Variants in USP8 observed in about 807,000 individuals in gnomAD.
The protein encoded by USP8 is ubiquitin specific peptidase 8, also known as ubiquitin carboxyl-terminal hydrolase 8.
Under a neutral mutation model 130.0 loss-of-function variants are expected in USP8, and 27 were observed. The ratio of observed to expected loss-of-function variants is 0.21; its 90% CI spans 0.15 to 0.29. USP8 has a LOEUF of 0.29. Among genes scored for constraint, USP8 ranks in the 10% least tolerant of loss-of-function variants. The probability of loss-of-function intolerance (pLI) is 1.00; values close to 1 mark genes in which losing one functional copy is unlikely to be tolerated. For missense variants in USP8, 1,029 were observed against 1,312.2 expected, an observed-to-expected ratio of 0.78 and a Z score of 3.33; for synonymous variants, 392 against 444.1, an observed-to-expected ratio of 0.88 and a Z score of 1.48.
At chr15:50,441,310 G>C (rs372328315) in intron 2 of USP8, 39 bp from the exon 3 acceptor site, 12 of 1,542,058 alleles carry the variant, frequency 7.8e-6, no homozygotes, top group Non-Finnish European at 7.8e-6. Context: ...TTTCCCAGAT[G>C]TCAATTGCTT....
At chr15:50,474,126 T>C (rs567277882) in intron 8 of USP8, among the ~76,000 whole-genome samples, 27 of 152,146 alleles carry the variant, frequency 1.8e-4, no homozygotes, top group Non-Finnish European at 3.4e-4. Flanking sequence ...CAACTCAGCC[T>C]CCTGAGTAGC....
chr15:50,459,098 A>G lies in USP8; in HGVS notation c.434A>G (p.Asp145Gly). The change falls in exon 5 of 20, where the codon GAT becomes GGT. Residue 145 changes from aspartate (D) to glycine (G), a missense_variant. Coordinates refer to ENST00000307179, the MANE Select transcript of USP8 (RefSeq NM_005154.5). ...QQKRQETGRE[D>G]GGTLAKGSLE... ...AAAAGGCAGGAAACAGGAAGAGAGG[A>G]TGGTGGCACATTGGCTAAAGGCTCT... is the stretch of plus-strand genomic sequence containing the variant. 6.2e-7 allele frequency: 1 copy of G among 1,614,132 alleles called. No individual in the cohort carries two copies.
intron 3 of USP8, among the ~76,000 whole-genome samples, chr15:50,447,655 C>T (rs764880269): frequency 4.6e-5 from 7 of 151,662 alleles, no homozygotes; most frequent in South Asian, 2.1e-4. Context: ...CTCTGCCTCC[C>T]GGGTTCAGGT....
chr15:50,430,510 G>A (rs888614765), intron 1 of USP8, among the ~76,000 whole-genome samples: 6 of 152,058 alleles, frequency 3.9e-5, no homozygotes, highest in Non-Finnish European at 5.9e-5. Context: ...CTCAAGGAAG[G>A]CCTCAGCCTT....
At chr15:50,434,894 A>G (rs2414044) in intron 1 of USP8, among the ~76,000 whole-genome samples, 21,960 of 152,266 alleles carry the variant, frequency 0.14, 2,036 homozygotes, top group Middle Eastern at 0.28. Flanking sequence ...TGCTAGGATT[A>G]CAGGTGTGAG....
At chr15:50,470,217 A>T (rs2051330659) in intron 7 of USP8, among the ~76,000 whole-genome samples, 1 of 152,150 alleles carries the variant, frequency 6.6e-6, no homozygotes, top group Non-Finnish European at 1.5e-5. Context: ...ACAAACAAAA[A>T]ATTGTCTTTG....
intron 4 of USP8, among the ~76,000 whole-genome samples, chr15:50,454,342 C>T (rs965003225): frequency 2.0e-5 from 3 of 152,114 alleles, no homozygotes; most frequent in Admixed American, 6.6e-5. Context: ...GCTCTACATA[C>T]GATAGACTTT....
intron 7 of USP8, among the ~76,000 whole-genome samples, chr15:50,468,991 T>C (rs2051289221): frequency 6.6e-6 from 1 of 152,058 alleles, no homozygotes; most frequent in Admixed American, 6.6e-5. Flanking sequence ...TCTGACAGAA[T>C]ATATTCTTTT....
rs1269183220 is a variant in USP8 at position 50,471,711 on chromosome 15, T to C, written c.765T>C (p.Tyr255=). Reference sequence around the variant, plus strand: ...GGAAGAAGAGGGGGAATGTGGAGTATGTGGTACTTCTTGACTGGTTTAGTT... The same window carrying C: ...GGAAGAAGAGGGGGAATGTGGAGTACGTGGTACTTCTTGACTGGTTTAGTT... ...DTWKKRGNVE[Y]VVLLDWFSSA... The change falls in exon 8 of 20, where the codon TAT becomes TAC. Residue 255 remains tyrosine, a synonymous_variant. Coordinates refer to ENST00000307179, the MANE Select transcript of USP8 (RefSeq NM_005154.5). The C allele has an allele frequency of 1.2e-6, 2 of 1,614,156 alleles. No individual in the cohort carries two copies. Among genetic ancestry groups the C allele is most frequent in the East Asian group, 2.2e-5 (1 of 44,868 alleles).
intron 4 of USP8, among the ~76,000 whole-genome samples, chr15:50,457,805 G>A (rs2050840563): frequency 1.4e-5 from 2 of 141,918 alleles, no homozygotes; most frequent in African/African-American, 5.3e-5. Context: ...AGGTTGCAGT[G>A]AACCGAGATC....
rs1303727118 is a variant in USP8 at position 50,508,833 on chromosome 15, A to AT, written c.*9746dup. On this transcript the variant is annotated 3_prime_UTR_variant, in exon 20 of 20. Coordinates refer to ENST00000307179, the MANE Select transcript of USP8 (RefSeq NM_005154.5). Reference sequence around the variant, plus strand: ...GGCAACATGGCAAAACCCCGTCTCTATAAAAAAAAAAAGAGTACAGGCCAG... The same window carrying AT: ...GGCAACATGGCAAAACCCCGTCTCTATTAAAAAAAAAAAGAGTACAGGCCAG... The AT allele has an allele frequency of 1.5e-5, 2 of 134,134 alleles. No homozygotes were observed. The highest frequency in any genetic ancestry group is 3.2e-5 in the Non-Finnish European group (2 of 62,024). 8.3% of individuals were successfully genotyped at this position (134,134 alleles called of 1,614,324 possible). A position where few individuals can be genotyped will look rare whatever the true frequency, so the allele number is the denominator to read the frequency against.
chr15:50,437,755 C>T (rs947484637), intron 1 of USP8, among the ~76,000 whole-genome samples: 1 of 152,222 alleles, frequency 6.6e-6, no homozygotes, highest in South Asian at 2.1e-4. Flanking sequence ...TTAGATACCT[C>T]GCTAGAAGGA....
rs977336149 is a variant in USP8, at chr15:50,500,133, T to G, written c.*1045T>G. On this transcript the variant is annotated 3_prime_UTR_variant, in exon 20 of 20. Transcript: ENST00000307179. The stretch of plus-strand genomic sequence containing the variant: ...AAGTGCTTCAGAAAGAGACCACCAT[T>G]AGCAGGCTCTCAGGGAGAAGATGAA... 6.6e-6 allele frequency: 1 copy of G among 152,202 alleles called. No individual in the cohort carries two copies. Among genetic ancestry groups the G allele is most frequent in the African/African-American group, 2.4e-5 (1 of 41,440 alleles). 9.4% of individuals were successfully genotyped at this position (152,202 alleles called of 1,614,324 possible).
Position 50,511,155 on chromosome 15 carries a change from G to A in USP8, c.*12067G>A, listed in dbSNP as rs2052734711. On this transcript the variant is annotated 3_prime_UTR_variant, in exon 20 of 20. Coordinates refer to ENST00000307179, the MANE Select transcript of USP8 (RefSeq NM_005154.5). ...AAAGTTTTATTTTAAAAACTGGAGAGAGAGCACTTGAAAAGATGCTCAACA... is the reference window on the plus strand; with the variant it reads ...AAAGTTTTATTTTAAAAACTGGAGAAAGAGCACTTGAAAAGATGCTCAACA... 1 of 152,194 alleles carries A rather than the reference G, an allele frequency of 6.6e-6. No individual in the cohort carries two copies. Among genetic ancestry groups the A allele is most frequent in the Non-Finnish European group, 1.5e-5 (1 of 68,048 alleles). 9.4% of individuals were successfully genotyped at this position (152,194 alleles called of 1,614,324 possible).
At chr15:50,430,765 C>A (rs1398512253) in intron 1 of USP8, among the ~76,000 whole-genome samples, 2 of 152,138 alleles carry the variant, frequency 1.3e-5, no homozygotes, top group Non-Finnish European at 2.9e-5. Flanking sequence ...TAACTGATTT[C>A]TAGTTAATAT....
intron 1 of USP8, among the ~76,000 whole-genome samples, chr15:50,426,201 C>T (rs1287723710): frequency 1.3e-5 from 2 of 151,962 alleles, no homozygotes; most frequent in Non-Finnish European, 2.9e-5. Flanking sequence ...GAAAATAAAG[C>T]CAGTACATTA....
Position 50,500,673 on chromosome 15 carries a change from T to G in USP8, c.*1585T>G, listed in dbSNP as rs529383809. ...CTGGCTCTTAACGCTTTTGTATTGG[T>G]ATGGAAAAGGGCTGGCAGCTATAGA... On this transcript the variant is annotated 3_prime_UTR_variant, in exon 20 of 20. Transcript: ENST00000307179. 1.4e-4 allele frequency: 163 copies of G among 1,201,686 alleles called. No homozygotes were observed. The highest frequency in any genetic ancestry group is 1.9e-4 in the Non-Finnish European group (156 of 833,722). 74.4% of individuals were successfully genotyped at this position (1,201,686 alleles called of 1,614,324 possible).
chr15:50,492,929 A>G lies in USP8; in HGVS notation c.2447+16A>G. On this transcript the variant is annotated intron_variant, in intron 15 of 19. Transcript: ENST00000307179. Reference sequence around the variant, plus strand: ...ATATTAACAGGTAAATACATGTCATACTTTTTGCATTATAATGCTAAAAGG... The same window carrying G: ...ATATTAACAGGTAAATACATGTCATGCTTTTTGCATTATAATGCTAAAAGG... 1 of 1,601,708 alleles carries G rather than the reference A, an allele frequency of 6.2e-7. No individual in the cohort carries two copies. The highest frequency in any genetic ancestry group is 1.3e-5 in the African/African-American group (1 of 74,792).
chr15:50,470,340 G>A (rs957147621), intron 7 of USP8, among the ~76,000 whole-genome samples: 8 of 152,206 alleles, frequency 5.3e-5, no homozygotes, highest in African/African-American at 1.9e-4. Context: ...GCGTGTGCAT[G>A]TGTGTGTGTT....
Sources: allele counts gnomAD v4.1 joint callset (sites outside exome capture counted in the v4.1 genomes callset), GRCh38; gene constraint gnomAD v4.1.1; transcripts MANE v1.5; gene names NCBI Gene and HGNC (gene_info 2026-07-23, HGNC 2026-07-21).